Variants in CAPN6 observed in about 807,000 individuals in gnomAD.
CAPN6 encodes calpain 6, also known as calpain-6.
Under a neutral mutation model 46.0 loss-of-function variants are expected in CAPN6, and 16 were observed. The observed-to-expected ratio is 0.35, with a 90% CI of 0.24 to 0.53. The LOEUF (loss-of-function observed/expected upper bound fraction) is 0.53, where lower values mean the gene tolerates loss of function less well. Ranked by LOEUF, CAPN6 falls within the 20% of genes least tolerant of loss-of-function variation. The probability of loss-of-function intolerance (pLI) is 0.94; values close to 1 mark genes in which losing one functional copy is unlikely to be tolerated. For missense variants in CAPN6, 461 were observed against 498.0 expected, an observed-to-expected ratio of 0.93 and a Z score of 0.71; for synonymous variants, 206 against 172.8, an observed-to-expected ratio of 1.19 and a Z score of -1.51.
intron 12 of CAPN6, among the ~76,000 whole-genome samples, chrX:111,247,154 C>T (rs2094975164): frequency 9.0e-6 from 1 of 111,054 alleles, no homozygotes; most frequent in Non-Finnish European, 1.9e-5. Context: ...GGGCTTTTGC[C>T]CACAATTAAA....
intron 1 of CAPN6, among the ~76,000 whole-genome samples, chrX:111,267,594 G>T (rs1292857671): frequency 2.7e-5 from 3 of 111,310 alleles, no homozygotes; most frequent in African/African-American, 9.8e-5. Context: ...CTTAACCTGC[G>T]GGTTAGCCTT....
intron 10 of CAPN6, 63 bp from the exon 11 acceptor site, chrX:111,248,055 G>A (rs1174180856): frequency 1.0e-5 from 11 of 1,071,197 alleles, no homozygotes; most frequent in African/African-American, 1.8e-5. Flanking sequence ...AAATAAGCCC[G>A]CCAAAGCAGA....
rs1339404307 is a variant in CAPN6 at position 111,252,469 on chromosome X, A to G, written c.537T>C (p.Gly179=). 2 of 1,208,017 alleles carry G rather than the reference A, an allele frequency of 1.7e-6. No individual in the cohort carries two copies. The highest frequency in any genetic ancestry group is 3.0e-5 in the East Asian group (1 of 33,695). Residue 179 remains glycine, a synonymous_variant, in exon 5 of 13, where the codon GGT becomes GGC. Transcript: ENST00000324068. ...KLLGCYEALD[G]LTITDIIVDF... Reference sequence around the variant, plus strand: ...CCACAATAATATCAGTGATGGTCAAACCATCCAGGGCCTCATAACAGCCTA... The same window carrying G: ...CCACAATAATATCAGTGATGGTCAAGCCATCCAGGGCCTCATAACAGCCTA...
chrX:111,256,019 T>C (rs2094983436), intron 2 of CAPN6, among the ~76,000 whole-genome samples: 1 of 112,214 alleles, frequency 8.9e-6, no homozygotes, highest in Non-Finnish European at 1.9e-5. Flanking sequence ...CTCATTTTTT[T>C]GGCCTTTTCT....
intron 9 of CAPN6, 56 bp from the exon 10 acceptor site, chrX:111,248,827 G>A: frequency 8.5e-7 from 1 of 1,183,426 alleles, no homozygotes; most frequent in Non-Finnish European, 1.1e-6. Flanking sequence ...GTTTTTGTAT[G>A]CTCTGTCTTT....
chrX:111,247,639 C>T lies in CAPN6; in HGVS notation c.1607-135G>A, dbSNP rs17879553. The T allele has an allele frequency of 1.7e-3, 1,198 of 686,600 alleles. 9 individuals carry two copies. The African/African-American group carries it at 0.024, about 14-fold the overall frequency. 56.6% of individuals were successfully genotyped at this position (686,600 alleles called of 1,213,427 possible). On this transcript the variant is annotated intron_variant, in intron 11 of 12. Coordinates refer to ENST00000324068, the MANE Select transcript of CAPN6 (RefSeq NM_014289.4). Reference sequence around the variant, plus strand: ...GCACCAGAATGACTGAGATTCAACACTTTTATTCCCACTTCCCTTTCCTTT... The same window carrying T: ...GCACCAGAATGACTGAGATTCAACATTTTTATTCCCACTTCCCTTTCCTTT...
chrX:111,266,472 C>T (rs1164969966), intron 1 of CAPN6, among the ~76,000 whole-genome samples: 1 of 111,898 alleles, frequency 8.9e-6, no homozygotes, highest in African/African-American at 3.3e-5. Context: ...GAAGCCCTCT[C>T]ATTGCCTAGC....
rs770934914 is a variant in CAPN6 at position 111,261,189 on chromosome X, C to T, written c.165+2583G>A. 9.8e-5 allele frequency among the ~76,000 whole-genome samples: 11 copies of T among 112,665 alleles called. No individual in the cohort carries two copies. In the South Asian group the frequency reaches 1.8e-3, roughly 19 times the overall value. ...TCTATCTATCTCCCTGATATGACAG[C>T]ATGATAGAGTGAAAACTTATGCAGG... On this transcript the variant is annotated intron_variant, in intron 2 of 12. Coordinates refer to ENST00000324068, the MANE Select transcript of CAPN6 (RefSeq NM_014289.4).
intron 2 of CAPN6, among the ~76,000 whole-genome samples, chrX:111,263,461 C>T (rs778154209): frequency 7.2e-5 from 8 of 111,333 alleles, no homozygotes; most frequent in Non-Finnish European, 1.3e-4. Flanking sequence ...AAGCTAGAGC[C>T]AGGAGCACAG....
intron 2 of CAPN6, among the ~76,000 whole-genome samples, chrX:111,258,815 C>CT (rs2094985772): frequency 8.9e-6 from 1 of 111,788 alleles, no homozygotes; most frequent in African/African-American, 3.3e-5. Context: ...TCCCGAACTG[C>CT]TTTTTTGGGA....
At chrX:111,249,784 T>G (rs756139282) in intron 8 of CAPN6, among the ~76,000 whole-genome samples, 2 of 106,458 alleles carry the variant, frequency 1.9e-5, no homozygotes, top group South Asian at 8.5e-4. Context: ...GCCACTGCAC[T>G]CCAGCCTGGG....
At position 111,246,279 on chromosome X, in the gene CAPN6, T is replaced by C; in HGVS notation, c.*298A>G. On this transcript the variant is annotated 3_prime_UTR_variant, in exon 13 of 13. Coordinates refer to ENST00000324068, the MANE Select transcript of CAPN6 (RefSeq NM_014289.4). ...AGACATCTGTAGGGTGTCCAGCCTCTTGTTATTGTCCTACTTGAATCTCAC... is the reference window on the plus strand; with the variant it reads ...AGACATCTGTAGGGTGTCCAGCCTCCTGTTATTGTCCTACTTGAATCTCAC... 3.4e-6 allele frequency: 1 copy of C among 294,000 alleles called. No individual in the cohort carries two copies. Among genetic ancestry groups the C allele is most frequent in the Non-Finnish European group, 6.0e-6 (1 of 168,013 alleles). The allele number at this position is 294,000 out of a possible 1,213,427, so 24.2% of individuals were successfully genotyped here.
At chrX:111,253,438 C>T (rs371193887) in intron 3 of CAPN6, among the ~76,000 whole-genome samples, 12 of 112,496 alleles carry the variant, frequency 1.1e-4, no homozygotes, top group African/African-American at 3.9e-4. Context: ...TGTCTAAATG[C>T]ACACAGGAGT....
At chrX:111,260,119 C>A (rs968792198) in intron 2 of CAPN6, among the ~76,000 whole-genome samples, 1 of 112,572 alleles carries the variant, frequency 8.9e-6, no homozygotes, top group Non-Finnish European at 1.9e-5. Context: ...TTAAGAAGAA[C>A]TTTCCTCTGG....
chrX:111,254,940 G>A (rs2094982592), intron 2 of CAPN6, among the ~76,000 whole-genome samples: 1 of 111,572 alleles, frequency 9.0e-6, no homozygotes, highest in Admixed American at 9.5e-5. Flanking sequence ...AGCAACAGTG[G>A]TCTCCATAGC....
chrX:111,251,321 T>C, intron 6 of CAPN6, 35 bp from the exon 7 acceptor site: 2 of 1,117,940 alleles, frequency 1.8e-6, no homozygotes, highest in East Asian at 3.0e-5. Context: ...AAAAGATAAA[T>C]CATTATGTTT....
rs12848140 is a variant in CAPN6, at chrX:111,263,462, A to G, written c.165+310T>C. 8.3e-3 allele frequency among the ~76,000 whole-genome samples: 934 copies of G among 111,965 alleles called. 4 individuals are homozygous for G. The highest frequency in any genetic ancestry group is 0.014 in the Middle Eastern group (3 of 215). The stretch of plus-strand genomic sequence containing the variant: ...AAATTCAGGACTCCAAGCTAGAGCC[A>G]GGAGCACAGATCCATGGAACTTTCA... On this transcript the variant is annotated intron_variant, in intron 2 of 12. Coordinates refer to ENST00000324068, the MANE Select transcript of CAPN6 (RefSeq NM_014289.4).
At chrX:111,254,166 A>T (rs2094981885) in intron 3 of CAPN6, 106 bp downstream of exon 3, 10 of 962,945 alleles carry the variant, frequency 1.0e-5, no homozygotes, top group Non-Finnish European at 1.4e-5. Flanking sequence ...CTCTGCTTTC[A>T]AGAAATACAA....
Position 111,270,404 on chromosome X carries a change from G to A in CAPN6, c.-49C>T. 2.9e-6 allele frequency: 1 copy of A among 350,371 alleles called. No homozygotes were observed. The allele number at this position is 350,371 out of a possible 1,213,427, so 28.9% of individuals were successfully genotyped here. A position where few individuals can be genotyped will look rare whatever the true frequency, so the allele number is the denominator to read the frequency against. Reference sequence around the variant, plus strand: ...TCCCAGGAGCCCTGCTGCTGCTGCTGCTGCTGCTGCTGCTGCTGCTGCCGT... The same window carrying A: ...TCCCAGGAGCCCTGCTGCTGCTGCTACTGCTGCTGCTGCTGCTGCTGCCGT... On this transcript the variant is annotated 5_prime_UTR_variant, in exon 1 of 13. Coordinates refer to ENST00000324068, the MANE Select transcript of CAPN6 (RefSeq NM_014289.4).
Sources: gnomAD v4.1 joint callset for allele counts (sites outside exome capture counted in the v4.1 genomes callset) on GRCh38, gnomAD v4.1.1 for gene constraint, MANE v1.5 for transcripts, NCBI Gene and HGNC (gene_info 2026-07-23, HGNC 2026-07-21) for gene names.